INTS15: variants seen among roughly 807,000 people sequenced by gnomAD.
INTS15 encodes the protein integrator complex subunit 15, also known as uncharacterized protein C7orf26.
chr7:6,601,598 G>A, the INTS15 span, among the ~76,000 whole-genome samples: 1 of 147,334 alleles, frequency 6.8e-6, no homozygotes. Context: ...ACCCAGCCAG[G>A]GGACGGGTTT....
the INTS15 span, among the ~76,000 whole-genome samples, chr7:6,592,207 T>G: frequency 0.074 from 11,168 of 151,536 alleles, 725 homozygotes; most frequent in African/African-American, 0.17. Flanking sequence ...TCTCTGAAGA[T>G]GATTTTGCTG....
At chr7:6,600,390 G>T in the INTS15 span, 1 of 1,581,978 alleles carries the variant, frequency 6.3e-7, no homozygotes. Context: ...CTCCTGGTGC[G>T]GGGACACCGC....
At chr7:6,602,097 G>T in the INTS15 span, 1 of 1,612,820 alleles carries the variant, frequency 6.2e-7, no homozygotes, top group Non-Finnish European at 8.5e-7. Flanking sequence ...CTCCTTAATT[G>T]CAGATGACCT....
At chr7:6,596,278 A>G in the INTS15 span, among the ~76,000 whole-genome samples, 1 of 148,648 alleles carries the variant, frequency 6.7e-6, no homozygotes, top group Admixed American at 6.7e-5. Context: ...CTGGTCTCGA[A>G]CTCCTGACCT....
chr7:6,594,715 A>C, the INTS15 span: 8 of 969,724 alleles, frequency 8.2e-6, no homozygotes, highest in Non-Finnish European at 1.1e-5. Flanking sequence ...TTTGTCTCTG[A>C]AATGTATATT....
At chr7:6,591,227 GC>G in the INTS15 span, among the ~76,000 whole-genome samples, 15 of 151,838 alleles carry the variant, frequency 9.9e-5, no homozygotes, top group African/African-American at 3.4e-4. Context: ...TTTACGAAGG[GC>G]GAAAAGTTCT....
the INTS15 span, among the ~76,000 whole-genome samples, chr7:6,603,079 G>A: frequency 0.015 from 2,220 of 147,134 alleles, 67 homozygotes; most frequent in African/African-American, 0.053. Context: ...GTGAAACCCC[G>A]TCTCTACTTA....
chr7:6,590,910 C>T, the INTS15 span, among the ~76,000 whole-genome samples: 2 of 151,714 alleles, frequency 1.3e-5, no homozygotes, highest in Non-Finnish European at 2.9e-5. Flanking sequence ...GCAATCACAG[C>T]TCACTACAAC....
At chr7:6,594,691 A>C in the INTS15 span, 1 of 1,230,656 alleles carries the variant, frequency 8.1e-7, no homozygotes. Context: ...GTGTCCAGTG[A>C]ATGCTTTGGC....
the INTS15 span, among the ~76,000 whole-genome samples, chr7:6,606,737 C>G: frequency 6.7e-6 from 1 of 149,978 alleles, no homozygotes; most frequent in African/African-American, 2.4e-5. Context: ...CTCACACTGG[C>G]TCCCAGGCTG....
the INTS15 span, among the ~76,000 whole-genome samples, chr7:6,593,757 C>T: frequency 6.6e-6 from 1 of 151,478 alleles, no homozygotes; most frequent in Non-Finnish European, 1.5e-5. Flanking sequence ...CCAAGCCATC[C>T]TTCCGCCTCG....
At chr7:6,593,424 A>G in the INTS15 span, among the ~76,000 whole-genome samples, 9 of 140,360 alleles carry the variant, frequency 6.4e-5, no homozygotes, top group African/African-American at 2.4e-4. Flanking sequence ...TCTGCCTCCC[A>G]GGTTCACCCT....
At chr7:6,594,334 G>A in the INTS15 span, 1 of 1,186,008 alleles carries the variant, frequency 8.4e-7, no homozygotes, top group Non-Finnish European at 1.2e-6. Flanking sequence ...TGTCTTGGAA[G>A]TGGTTCTGCC....
the INTS15 span, among the ~76,000 whole-genome samples, chr7:6,607,282 A>G: frequency 2.6e-5 from 4 of 151,998 alleles, no homozygotes; most frequent in African/African-American, 9.7e-5. The surrounding 1 kb of genome is among the most constrained non-coding windows in gnomAD (Gnocchi z 6.0). Flanking sequence ...TACCACCAGG[A>G]CGGGAGGTCC....
the INTS15 span, among the ~76,000 whole-genome samples, chr7:6,592,981 C>G: frequency 6.6e-6 from 1 of 152,044 alleles, no homozygotes; most frequent in South Asian, 2.1e-4. Context: ...TGGCAGTTCA[C>G]TGACTCTCCT....
At chr7:6,602,871 C>T in the INTS15 span, 1 of 395,518 alleles carries the variant, frequency 2.5e-6, no homozygotes, top group Non-Finnish European at 5.3e-6. Context: ...TGTGTAAAAT[C>T]AAGAAAACCA....
chr7:6,593,769 C>T, the INTS15 span, among the ~76,000 whole-genome samples: 1 of 151,486 alleles, frequency 6.6e-6, no homozygotes, highest in African/African-American at 2.4e-5. Context: ...TCCGCCTCGG[C>T]CTCCTGAGTA....
chr7:6,591,658 C>A, the INTS15 span: 1 of 1,614,104 alleles, frequency 6.2e-7, no homozygotes, highest in Non-Finnish European at 8.5e-7. Flanking sequence ...ACTGAATTCC[C>A]TTCAGGAGCT....
chr7:6,606,391 G>A, the INTS15 span, among the ~76,000 whole-genome samples: 3 of 152,144 alleles, frequency 2.0e-5, no homozygotes, highest in Admixed American at 1.3e-4. Flanking sequence ...TAGACAGAGA[G>A]CAGGCAGGGC....
Sources: allele counts gnomAD v4.1 joint callset (sites outside exome capture counted in the v4.1 genomes callset), GRCh38; gene constraint gnomAD v4.1.1; non-coding constraint Gnocchi (gnomAD v3.1); transcripts MANE v1.5; gene names NCBI Gene and HGNC (gene_info 2026-07-23, HGNC 2026-07-21).